The following MDFIC variants were observed in gnomAD, a reference collection of about 807,000 sequenced individuals.
MDFIC encodes myoD family inhibitor domain-containing protein.
Under a neutral mutation model 23.2 loss-of-function variants are expected in MDFIC, and 17 were observed. The observed-to-expected ratio is 0.73, with a 90% CI of 0.50 to 1.10. The LOEUF (loss-of-function observed/expected upper bound fraction) is 1.10, where lower values mean the gene tolerates loss of function less well. Ranked by LOEUF, MDFIC falls within the 50% of genes least tolerant of loss-of-function variation. The pLI is 0.00. For synonymous variants in MDFIC, 120 were observed against 115.2 expected, an observed-to-expected ratio of 1.04 and a Z score of -0.27; for missense variants, 356 against 316.6, an observed-to-expected ratio of 1.12 and a Z score of -0.95.
intron 1 of MDFIC, 106 bp from the exon 2 acceptor site, chr7:114,922,821 G>T (rs1792111708): frequency 7.2e-7 from 1 of 1,387,350 alleles, no homozygotes; most frequent in Non-Finnish European, 9.7e-7. Context: ...CTTCCCCGGG[G>T]TGGAGTTTGA....
chr7:114,965,164 G>A (rs1221950694), intron 3 of MDFIC, among the ~76,000 whole-genome samples: 2 of 152,170 alleles, frequency 1.3e-5, no homozygotes, highest in Non-Finnish European at 2.9e-5. Flanking sequence ...TCCAAGGAGA[G>A]GAGTAGTAGG....
At position 115,015,711 on chromosome 7, in the gene MDFIC, G is replaced by A. The variant is rs1249533537; in HGVS notation, c.517G>A (p.Ala173Thr). 3 of 1,613,954 alleles carry A rather than the reference G, an allele frequency of 1.9e-6. No homozygotes were observed. The highest frequency in any genetic ancestry group is 2.7e-5 in the African/African-American group (2 of 74,892). ...AGATTGTTGTGTCCACTGTATCCTGGCTTGCTTGTTCTGCGAATTCCTGAC... is the reference window on the plus strand; with the variant it reads ...AGATTGTTGTGTCCACTGTATCCTGACTTGCTTGTTCTGCGAATTCCTGAC... ...PEDCCVHCIL[A>T]CLFCEFLTLC... is the part of the protein sequence containing the mutation. Residue 173 changes from alanine to threonine, a missense_variant, in exon 5 of 5, where the codon GCT (alanine) becomes ACT (threonine). By Grantham distance (58) the Ala-to-Thr change is moderately conservative. Coordinates refer to ENST00000393486, the MANE Select transcript of MDFIC (RefSeq NM_001166345.3).
intron 4 of MDFIC, among the ~76,000 whole-genome samples, chr7:115,007,356 C>T (rs117151824): frequency 9.5e-4 from 145 of 152,152 alleles, no homozygotes; most frequent in Non-Finnish European, 1.6e-3. Flanking sequence ...TTCATCATAA[C>T]CCTATGAGGA....
chr7:114,992,911 T>G (rs1387459331), intron 4 of MDFIC, among the ~76,000 whole-genome samples: 1 of 152,200 alleles, frequency 6.6e-6, no homozygotes, highest in African/African-American at 2.4e-5. Flanking sequence ...TTGGAATAGT[T>G]TCAGAAGGAA....
chr7:114,960,297 A>G (rs971512176), intron 3 of MDFIC, among the ~76,000 whole-genome samples: 4 of 152,292 alleles, frequency 2.6e-5, no homozygotes, highest in Admixed American at 6.5e-5. Context: ...GTACAGGGCC[A>G]TTGTGAGTTA....
At chr7:114,992,677 C>A (rs1791200787) in intron 4 of MDFIC, among the ~76,000 whole-genome samples, 1 of 152,126 alleles carries the variant, frequency 6.6e-6, no homozygotes, top group South Asian at 2.1e-4. Context: ...GTTGAACCAG[C>A]CTTGCATCCC....
At chr7:114,933,564 C>G (rs546049863) in intron 2 of MDFIC, among the ~76,000 whole-genome samples, 1 of 152,052 alleles carries the variant, frequency 6.6e-6, no homozygotes, top group Non-Finnish European at 1.5e-5. Flanking sequence ...GCCTCCATTC[C>G]TTTTTATAAT....
chr7:114,993,000 A>G (rs1015663529), intron 4 of MDFIC, among the ~76,000 whole-genome samples: 3 of 152,166 alleles, frequency 2.0e-5, no homozygotes, highest in African/African-American at 4.8e-5. Flanking sequence ...TTTGGCTGGT[A>G]GGCTATTAAT....
Position 114,927,925 on chromosome 7 carries a change from A to C in MDFIC, c.94+4798A>C, listed in dbSNP as rs933548132. ...AATACAAATAACCAAGAATAAAATT[A>C]AACTGAATAGAAATTGGTTTAAAAC... On this transcript the variant is annotated intron_variant, in intron 2 of 4. Coordinates refer to ENST00000393486, the MANE Select transcript of MDFIC (RefSeq NM_001166345.3). Among the ~76,000 whole-genome samples, 10 of 152,356 alleles carry C rather than the reference A, an allele frequency of 6.6e-5. No individual in the cohort carries two copies. The East Asian group carries it at 1.9e-3, about 29-fold the overall frequency.
chr7:114,936,754 A>G (rs1448467921), intron 2 of MDFIC, among the ~76,000 whole-genome samples: 2 of 152,118 alleles, frequency 1.3e-5, no homozygotes, highest in Non-Finnish European at 2.9e-5. Flanking sequence ...TATCTCTGAG[A>G]CTGTTTTCTC....
At chr7:115,003,630 G>A (rs907937436) in intron 4 of MDFIC, among the ~76,000 whole-genome samples, 1 of 152,142 alleles carries the variant, frequency 6.6e-6, no homozygotes, top group Non-Finnish European at 1.5e-5. Context: ...ACGGAAAATT[G>A]AAGATGTTTT....
chr7:115,004,845 G>A (rs987676862), intron 4 of MDFIC, among the ~76,000 whole-genome samples: 3 of 152,046 alleles, frequency 2.0e-5, no homozygotes, highest in African/African-American at 7.2e-5. Flanking sequence ...TTGACCATTG[G>A]CCATTATTTA....
chr7:114,946,965 CAGAT>C (rs1376448061), intron 3 of MDFIC, among the ~76,000 whole-genome samples: 1 of 152,166 alleles, frequency 6.6e-6, no homozygotes, highest in Non-Finnish European at 1.5e-5. Flanking sequence ...GAAAGAAAAG[CAGAT>C]ACTCAGGTGT....
chr7:114,926,300 T>G (rs890365137), intron 2 of MDFIC, among the ~76,000 whole-genome samples: 4 of 152,158 alleles, frequency 2.6e-5, no homozygotes, highest in African/African-American at 9.7e-5. Context: ...TCCAAAGAAT[T>G]TAAGTGACTT....
chr7:114,946,849 G>A (rs1305475614), intron 3 of MDFIC, among the ~76,000 whole-genome samples: 2 of 152,012 alleles, frequency 1.3e-5, no homozygotes, highest in African/African-American at 4.8e-5. Context: ...TCTGTTATTC[G>A]GAGCTCTATT....
intron 3 of MDFIC, among the ~76,000 whole-genome samples, chr7:114,967,861 T>A (rs1585106632): frequency 6.8e-6 from 1 of 147,748 alleles, no homozygotes; most frequent in South Asian, 2.1e-4. Context: ...TTTGATGGAG[T>A]CTCTCTTTGT....
chr7:114,954,073 A>G (rs1268294134), intron 3 of MDFIC, among the ~76,000 whole-genome samples: 1 of 152,118 alleles, frequency 6.6e-6, no homozygotes, highest in African/African-American at 2.4e-5. Context: ...GCTTCTTTTC[A>G]TTTCTTTGAA....
intron 4 of MDFIC, among the ~76,000 whole-genome samples, chr7:114,992,972 G>A (rs946532347): frequency 4.5e-4 from 69 of 152,082 alleles, no homozygotes; most frequent in East Asian, 3.9e-4. Flanking sequence ...CTGTGAATCC[G>A]TCTGGTCCTG....
chr7:114,935,643 A>C (rs528155968), intron 2 of MDFIC, among the ~76,000 whole-genome samples: 1 of 152,076 alleles, frequency 6.6e-6, no homozygotes, highest in Non-Finnish European at 1.5e-5. Context: ...AATGGTAAAT[A>C]TAAGTAGACT....
Sources: gnomAD v4.1 joint callset for allele counts (sites outside exome capture counted in the v4.1 genomes callset) on GRCh38, gnomAD v4.1.1 for gene constraint, MANE v1.5 for transcripts, NCBI Gene and HGNC (gene_info 2026-07-23, HGNC 2026-07-21) for gene names.